The following TBC1D5 variants were observed in gnomAD, a reference collection of about 807,000 sequenced individuals.
The protein encoded by TBC1D5 is TBC1 domain family member 5, also known as TBC1 domain family, member 5.
TBC1D5 carries 75 observed loss-of-function variants against 100.3 expected under a neutral mutation model. That is an observed-to-expected ratio of 0.75 (90% CI 0.62 to 0.91). The LOEUF (loss-of-function observed/expected upper bound fraction) is 0.91, where lower values mean the gene tolerates loss of function less well. Ranked by LOEUF, TBC1D5 falls within the 40% of genes least tolerant of loss-of-function variation. The pLI is 0.00. For missense variants in TBC1D5, 910 were observed against 942.4 expected, an observed-to-expected ratio of 0.97 and a Z score of 0.45; for synonymous variants, 323 against 325.6, an observed-to-expected ratio of 0.99 and a Z score of 0.09.
At chr3:17,617,061 G>C (rs2062231142) in intron 2 of TBC1D5, among the ~76,000 whole-genome samples, 1 of 152,114 alleles carries the variant, frequency 6.6e-6, no homozygotes, top group African/African-American at 2.4e-5. Context: ...CTTCCTTCAG[G>C]AGCTCGCTCT....
At chr3:17,401,779 C>T (rs1396979881) in intron 8 of TBC1D5, among the ~76,000 whole-genome samples, 3 of 151,988 alleles carry the variant, frequency 2.0e-5, no homozygotes, top group Admixed American at 2.0e-4. Context: ...AAAAGGGATG[C>T]CTTTACAGTT....
intron 13 of TBC1D5, among the ~76,000 whole-genome samples, chr3:17,344,933 C>T (rs985648546): frequency 6.6e-6 from 1 of 152,154 alleles, no homozygotes; most frequent in Admixed American, 6.6e-5. Flanking sequence ...GGATTAAAGA[C>T]TTAAACGTTA....
At chr3:17,364,919 C>T (rs879561440) in intron 13 of TBC1D5, among the ~76,000 whole-genome samples, 11 of 152,004 alleles carry the variant, frequency 7.2e-5, no homozygotes, top group Non-Finnish European at 4.4e-5. Context: ...TTCATTTAAT[C>T]GTCACAATGC....
intron 1 of TBC1D5, among the ~76,000 whole-genome samples, chr3:17,693,221 T>A (rs911064286): frequency 6.6e-6 from 1 of 152,182 alleles, no homozygotes; most frequent in Non-Finnish European, 1.5e-5. Flanking sequence ...GTTCATCTCA[T>A]TGGGACTGGT....
chr3:17,195,631 G>C (rs1218053395), intron 18 of TBC1D5, among the ~76,000 whole-genome samples: 2 of 152,102 alleles, frequency 1.3e-5, no homozygotes, highest in Non-Finnish European at 2.9e-5. Flanking sequence ...TGTCCCAATA[G>C]AGACAGACAA....
At chr3:17,367,535 A>G (rs2092222292) in intron 13 of TBC1D5, among the ~76,000 whole-genome samples, 1 of 152,058 alleles carries the variant, frequency 6.6e-6, no homozygotes, top group Non-Finnish European at 1.5e-5. Flanking sequence ...TGCAATACCA[A>G]TCAATAATTG....
intron 3 of TBC1D5, among the ~76,000 whole-genome samples, chr3:17,488,498 G>A (rs887580078): frequency 6.6e-6 from 1 of 152,178 alleles, no homozygotes; most frequent in African/African-American, 2.4e-5. Flanking sequence ...ATACCAAGGA[G>A]CAAAACTGCT....
intron 1 of TBC1D5, among the ~76,000 whole-genome samples, chr3:17,632,427 ATTC>A (rs556023646): frequency 5.3e-5 from 8 of 152,356 alleles, no homozygotes; most frequent in Admixed American, 3.9e-4. Flanking sequence ...GATTTAGAAT[ATTC>A]CATAAAATCA....
intron 15 of TBC1D5, among the ~76,000 whole-genome samples, chr3:17,287,740 TCTG>T (rs2081315362): frequency 2.0e-5 from 3 of 152,346 alleles, no homozygotes; most frequent in African/African-American, 7.2e-5. Context: ...AAAGGCTATC[TCTG>T]ATATAAAATA....
chr3:17,497,708 T>G (rs1332413128), intron 3 of TBC1D5, among the ~76,000 whole-genome samples: 3 of 152,190 alleles, frequency 2.0e-5, no homozygotes, highest in African/African-American at 7.2e-5. Context: ...GCTATTAAAG[T>G]TTTTCTACAT....
intron 2 of TBC1D5, among the ~76,000 whole-genome samples, chr3:17,548,990 C>G (rs1188554948): frequency 6.6e-6 from 1 of 152,166 alleles, no homozygotes; most frequent in African/African-American, 2.4e-5. Context: ...CTACTTCCAA[C>G]AATCTTTATT....
chr3:17,521,285 T>C (rs535160967), intron 2 of TBC1D5, among the ~76,000 whole-genome samples: 19 of 152,246 alleles, frequency 1.2e-4, no homozygotes, highest in Non-Finnish European at 2.8e-4. Flanking sequence ...CCTGAGACAA[T>C]AAGACCAAAA....
At chr3:17,395,495 T>C (rs911700970) in intron 8 of TBC1D5, among the ~76,000 whole-genome samples, 1 of 152,164 alleles carries the variant, frequency 6.6e-6, no homozygotes, top group Non-Finnish European at 1.5e-5. Context: ...TGAAATGTTC[T>C]AAAAAGACTG....
At chr3:17,337,943 GA>G (rs1226962901) in intron 13 of TBC1D5, among the ~76,000 whole-genome samples, 2 of 152,092 alleles carry the variant, frequency 1.3e-5, no homozygotes, top group East Asian at 1.9e-4. Flanking sequence ...CTGACTAAAT[GA>G]AATAATTGAA....
chr3:17,655,758 C>T (rs2066005578), intron 1 of TBC1D5, among the ~76,000 whole-genome samples: 2 of 152,108 alleles, frequency 1.3e-5, no homozygotes, highest in Non-Finnish European at 1.5e-5. Flanking sequence ...CAAAATACTT[C>T]TCATCCCAAG....
At chr3:17,160,383 T>C (rs1455048309) in exon 22 of TBC1D5, 1 of 152,532 alleles carries the variant, frequency 6.6e-6, no homozygotes, top group Non-Finnish European at 1.5e-5. Flanking sequence ...TTTTTCTTTT[T>C]TTTTTTCCCC....
chr3:17,327,069 C>A (rs1307090652), intron 13 of TBC1D5, among the ~76,000 whole-genome samples: 10 of 152,148 alleles, frequency 6.6e-5, no homozygotes. Flanking sequence ...TTATCTTTCA[C>A]CTTGATTAAC....
chr3:17,465,379 C>T, intron 3 of TBC1D5: 1 of 183,160 alleles, frequency 5.5e-6, no homozygotes, highest in Non-Finnish European at 1.2e-5. Flanking sequence ...TGTGCCATAC[C>T]ATATCCATGT....
chr3:17,585,690 G>C (rs1473021819), intron 2 of TBC1D5, among the ~76,000 whole-genome samples: 2 of 151,976 alleles, frequency 1.3e-5, no homozygotes, highest in African/African-American at 4.8e-5. Flanking sequence ...TCTAAAGCTG[G>C]GTTTCTGAAA....
Sources: allele counts gnomAD v4.1 joint callset (sites outside exome capture counted in the v4.1 genomes callset), GRCh38; gene constraint gnomAD v4.1.1; transcripts MANE v1.5; gene names NCBI Gene and HGNC (gene_info 2026-07-23, HGNC 2026-07-21).